CDKAL1: variants seen among roughly 807,000 people sequenced by gnomAD.
CDKAL1 encodes the protein threonylcarbamoyladenosine tRNA methylthiotransferase.
A neutral mutation model predicts 68.2 loss-of-function variants in CDKAL1; 32 were observed. The observed-to-expected ratio is 0.47, with a 90% CI of 0.35 to 0.63. CDKAL1 has a LOEUF of 0.63. Ranked by LOEUF, CDKAL1 falls within the 30% of genes least tolerant of loss-of-function variation. The pLI is 0.00. For synonymous variants in CDKAL1, 234 were observed against 244.3 expected, an observed-to-expected ratio of 0.96 and a Z score of 0.39; for missense variants, 606 against 696.7, an observed-to-expected ratio of 0.87 and a Z score of 1.47.
intron 6 of CDKAL1, among the ~76,000 whole-genome samples, chr6:20,756,405 G>C (rs764756947): frequency 6.6e-6 from 1 of 152,000 alleles, no homozygotes; most frequent in East Asian, 1.9e-4. Context: ...TTCCCGTATT[G>C]TTAAATCAAA....
chr6:21,226,182 T>A (rs1203530201), intron 15 of CDKAL1, among the ~76,000 whole-genome samples: 2 of 152,128 alleles, frequency 1.3e-5, no homozygotes, highest in African/African-American at 4.8e-5. Context: ...GCACAACTGC[T>A]AAAGACGAAG....
chr6:21,173,100 T>A (rs771848098), intron 13 of CDKAL1, among the ~76,000 whole-genome samples: 17 of 147,798 alleles, frequency 1.2e-4, no homozygotes, highest in Admixed American at 4.0e-4. Context: ...TTTTGTGAGG[T>A]TTTTCCTCCT....
chr6:20,561,322 A>G (rs554032266), intron 4 of CDKAL1, among the ~76,000 whole-genome samples: 2 of 152,050 alleles, frequency 1.3e-5, no homozygotes, highest in South Asian at 4.2e-4. Flanking sequence ...CGTGCCTGTA[A>G]TTCCAGCTAC....
intron 10 of CDKAL1, among the ~76,000 whole-genome samples, chr6:20,986,302 A>G (rs986298731): frequency 1.3e-5 from 2 of 152,224 alleles, no homozygotes; most frequent in African/African-American, 4.8e-5. Flanking sequence ...ACTAGATAGT[A>G]TCACATATAA....
chr6:20,541,969 C>T (rs1032565641), intron 2 of CDKAL1, among the ~76,000 whole-genome samples: 2 of 152,246 alleles, frequency 1.3e-5, no homozygotes, highest in Non-Finnish European at 2.9e-5. Flanking sequence ...AATTGACAGT[C>T]TTACCATGAC....
At chr6:21,126,536 G>A (rs906183146) in intron 13 of CDKAL1, among the ~76,000 whole-genome samples, 12 of 152,056 alleles carry the variant, frequency 7.9e-5, no homozygotes, top group African/African-American at 2.9e-4. Flanking sequence ...TCATTTTCCC[G>A]CTTCTGGCTC....
At chr6:20,608,328 A>T (rs191296624) in intron 4 of CDKAL1, among the ~76,000 whole-genome samples, 69 of 152,282 alleles carry the variant, frequency 4.5e-4, no homozygotes, top group African/African-American at 1.5e-3. Context: ...TACTTAAGGA[A>T]ATTGAAAATT....
At chr6:20,770,456 C>T (rs1194437237) in intron 7 of CDKAL1, among the ~76,000 whole-genome samples, 2 of 152,288 alleles carry the variant, frequency 1.3e-5, no homozygotes, top group African/African-American at 4.8e-5. Context: ...TGTCTTAAAT[C>T]TTGTATTCTC....
At chr6:21,087,905 C>T (rs1333477877) in intron 12 of CDKAL1, among the ~76,000 whole-genome samples, 1 of 152,238 alleles carries the variant, frequency 6.6e-6, no homozygotes, top group East Asian at 1.9e-4. Flanking sequence ...GAAGTCAAGC[C>T]GCTTCTCTCT....
At chr6:21,202,272 G>A (rs74415845) in intron 15 of CDKAL1, among the ~76,000 whole-genome samples, 17,882 of 152,082 alleles carry the variant, frequency 0.12, 1,303 homozygotes, top group Non-Finnish European at 0.16. Flanking sequence ...GTGCATGGCC[G>A]TCTAACCCGT....
At chr6:20,782,087 C>T (rs1485100057) in intron 8 of CDKAL1, among the ~76,000 whole-genome samples, 2 of 152,202 alleles carry the variant, frequency 1.3e-5, no homozygotes, top group African/African-American at 4.8e-5. Flanking sequence ...GCTTCCTTGT[C>T]CACCATCTGC....
At chr6:20,999,325 C>A (rs1455842360) in intron 10 of CDKAL1, among the ~76,000 whole-genome samples, 1 of 151,708 alleles carries the variant, frequency 6.6e-6, no homozygotes, top group Non-Finnish European at 1.5e-5. Context: ...GACCTGACAG[C>A]ATGCAGCAGT....
intron 4 of CDKAL1, among the ~76,000 whole-genome samples, chr6:20,618,160 A>G (rs1165580209): frequency 2.6e-5 from 4 of 152,150 alleles, no homozygotes; most frequent in Non-Finnish European, 4.4e-5. Context: ...CATTTCTCTG[A>G]TGGCCAGTGA....
chr6:20,944,865 T>C (rs559180369), intron 9 of CDKAL1, among the ~76,000 whole-genome samples: 1 of 152,350 alleles, frequency 6.6e-6, no homozygotes, highest in South Asian at 2.1e-4. Flanking sequence ...TGTTTTGTTC[T>C]TAGAAATTTT....
At chr6:20,652,386 T>A (rs549353884) in intron 5 of CDKAL1, among the ~76,000 whole-genome samples, 2 of 152,334 alleles carry the variant, frequency 1.3e-5, no homozygotes, top group South Asian at 2.1e-4. Flanking sequence ...TGCACTTTGT[T>A]GAAGGGAGGT....
At chr6:20,657,734 A>G (rs1769092216) in intron 5 of CDKAL1, among the ~76,000 whole-genome samples, 1 of 152,188 alleles carries the variant, frequency 6.6e-6, no homozygotes, top group Admixed American at 6.5e-5. Flanking sequence ...AAGGTTTTAC[A>G]GTGTTTGTAT....
At chr6:20,806,208 C>T (rs1313467359) in intron 8 of CDKAL1, among the ~76,000 whole-genome samples, 2 of 152,170 alleles carry the variant, frequency 1.3e-5, no homozygotes, top group Admixed American at 1.3e-4. Flanking sequence ...CAATGTTTAG[C>T]TCCCTCTTAT....
At chr6:20,653,729 C>T (rs1768883290) in intron 5 of CDKAL1, among the ~76,000 whole-genome samples, 1 of 152,062 alleles carries the variant, frequency 6.6e-6, no homozygotes, top group Non-Finnish European at 1.5e-5. Context: ...ATTCTCCTGC[C>T]TCAGCCTCTC....
intron 15 of CDKAL1, among the ~76,000 whole-genome samples, chr6:21,211,685 C>T (rs1779154667): frequency 6.6e-6 from 1 of 151,666 alleles, no homozygotes; most frequent in Admixed American, 6.6e-5. Flanking sequence ...AAAATACCTA[C>T]TTTTGTTTTA....
Sources: gnomAD v4.1 joint callset for allele counts (sites outside exome capture counted in the v4.1 genomes callset) on GRCh38, gnomAD v4.1.1 for gene constraint, MANE v1.5 for transcripts, NCBI Gene and HGNC (gene_info 2026-07-23, HGNC 2026-07-21) for gene names.